LEKR1: variants seen among roughly 807,000 people sequenced by gnomAD.
LEKR1 encodes protein LEKR1.
A neutral mutation model predicts 72.4 loss-of-function variants in LEKR1; 59 were observed. That is an observed-to-expected ratio of 0.82 (90% CI 0.66 to 1.01). The LOEUF (loss-of-function observed/expected upper bound fraction) is 1.01, where lower values mean the gene tolerates loss of function less well. LEKR1 is among the 50% of genes least tolerant of loss of function. The pLI, the probability that LEKR1 is intolerant of heterozygous loss-of-function variation, is 0.00. For missense variants in LEKR1, 728 were observed against 759.2 expected, an observed-to-expected ratio of 0.96 and a Z score of 0.48; for synonymous variants, 257 against 263.2, an observed-to-expected ratio of 0.98 and a Z score of 0.23.
At chr3:156,899,523 CAT>C (rs1560064156) in intron 3 of LEKR1, among the ~76,000 whole-genome samples, 10 of 129,250 alleles carry the variant, frequency 7.7e-5, no homozygotes, top group South Asian at 5.3e-4. Flanking sequence ...TACATACATA[CAT>C]ATATACACAT....
At chr3:157,037,696 CA>C (rs1159343911) in intron 12 of LEKR1, among the ~76,000 whole-genome samples, 3 of 152,110 alleles carry the variant, frequency 2.0e-5, no homozygotes, top group Admixed American at 2.0e-4. Context: ...TTTATGCATT[CA>C]TTTAACAGGT....
chr3:157,020,979 T>C, intron 10 of LEKR1, among the ~76,000 whole-genome samples: 1 of 151,284 alleles, frequency 6.6e-6, no homozygotes, highest in Non-Finnish European at 1.5e-5. Flanking sequence ...TTCTAACTGG[T>C]GGGAGATGGT....
At chr3:156,925,250 A>C (rs1320006697) in intron 4 of LEKR1, 4 of 151,676 alleles carry the variant, frequency 2.6e-5, no homozygotes, top group South Asian at 4.2e-4. Flanking sequence ...TGATTTTTGT[A>C]TATGTATCAT....
intron 6 of LEKR1, among the ~76,000 whole-genome samples, chr3:156,949,990 G>T (rs1020165113): frequency 2.6e-5 from 4 of 151,132 alleles, no homozygotes; most frequent in African/African-American, 9.7e-5. Context: ...GGTAGAATTT[G>T]CTTAGAAAAC....
intron 2 of LEKR1, among the ~76,000 whole-genome samples, chr3:156,852,014 A>G (rs1386825757): frequency 6.6e-6 from 1 of 152,196 alleles, no homozygotes; most frequent in Non-Finnish European, 1.5e-5. Flanking sequence ...CTTTATCTGA[A>G]GGAAGGAAGA....
At chr3:157,027,282 C>G (rs1358032012) in intron 11 of LEKR1, among the ~76,000 whole-genome samples, 1 of 151,784 alleles carries the variant, frequency 6.6e-6, no homozygotes, top group Non-Finnish European at 1.5e-5. Flanking sequence ...CATAGAATAT[C>G]TCTAACACCA....
chr3:156,977,917 T>G (rs1729841771), intron 6 of LEKR1: 1 of 158,890 alleles, frequency 6.3e-6, no homozygotes, highest in Non-Finnish European at 1.4e-5. Context: ...TACATGTACA[T>G]TTTAATTTTG....
chr3:156,942,299 A>G (rs753891163), intron 5 of LEKR1, among the ~76,000 whole-genome samples: 9 of 152,110 alleles, frequency 5.9e-5, no homozygotes, highest in Non-Finnish European at 1.2e-4. Flanking sequence ...AAAAGCTAAA[A>G]AAAATACTGT....
intron 11 of LEKR1, among the ~76,000 whole-genome samples, chr3:157,026,273 A>T (rs895430631): frequency 6.6e-6 from 1 of 152,138 alleles, no homozygotes. Context: ...CTGCTGTTGC[A>T]GCCCTGGGTG....
intron 3 of LEKR1, among the ~76,000 whole-genome samples, chr3:156,891,869 A>G (rs529614393): frequency 6.6e-6 from 1 of 152,302 alleles, no homozygotes; most frequent in African/African-American, 2.4e-5. Context: ...GGCAGGGTTC[A>G]TTTTGAGGAA....
intron 6 of LEKR1, among the ~76,000 whole-genome samples, chr3:156,952,512 C>A (rs1286461893): frequency 6.6e-6 from 1 of 151,168 alleles, no homozygotes; most frequent in Non-Finnish European, 1.5e-5. Flanking sequence ...CAATAAAAAA[C>A]GAAACTACTA....
intron 2 of LEKR1, among the ~76,000 whole-genome samples, chr3:156,848,878 A>G (rs923844421): frequency 3.9e-5 from 6 of 152,170 alleles, no homozygotes; most frequent in Admixed American, 1.3e-4. Flanking sequence ...TAAGACATAT[A>G]TATCTATGTT....
At chr3:156,984,250 A>G (rs1730483516) in intron 7 of LEKR1, among the ~76,000 whole-genome samples, 1 of 152,186 alleles carries the variant, frequency 6.6e-6, no homozygotes, top group African/African-American at 2.4e-5. Flanking sequence ...GGAAATTCTT[A>G]TCTCACTCTA....
intron 4 of LEKR1, chr3:156,924,470 G>A (rs1275068819): frequency 1.6e-6 from 1 of 619,834 alleles, no homozygotes; most frequent in Non-Finnish European, 2.9e-6. Flanking sequence ...TATTTTTAAT[G>A]AAATATAATT....
At chr3:156,925,396 C>G (rs1464881533) in intron 4 of LEKR1, 2 of 149,182 alleles carry the variant, frequency 1.3e-5, no homozygotes, top group Non-Finnish European at 3.0e-5. Flanking sequence ...AGTCCTTTTA[C>G]CTCTACTCAT....
At chr3:156,985,336 A>G (rs574638182) in intron 7 of LEKR1, among the ~76,000 whole-genome samples, 1 of 152,290 alleles carries the variant, frequency 6.6e-6, no homozygotes, top group East Asian at 1.9e-4. Context: ...AGATATGAAT[A>G]ACAGAAAGGA....
chr3:156,939,232 A>G (rs1725988273), intron 5 of LEKR1, among the ~76,000 whole-genome samples: 1 of 152,196 alleles, frequency 6.6e-6, no homozygotes, highest in Non-Finnish European at 1.5e-5. Flanking sequence ...GACTGGTGTC[A>G]TAAGAAGAAG....
At chr3:157,011,320 G>C (rs755446661) in intron 9 of LEKR1, 93 bp from the exon 10 acceptor site, 8 of 813,888 alleles carry the variant, frequency 9.8e-6, no homozygotes, top group Non-Finnish European at 1.7e-5. Flanking sequence ...AACAGACTAA[G>C]TTTTGAAGTA....
intron 7 of LEKR1, among the ~76,000 whole-genome samples, chr3:156,986,782 A>G (rs1388813310): frequency 6.6e-6 from 1 of 152,330 alleles, no homozygotes; most frequent in East Asian, 1.9e-4. Context: ...CAAGATACAT[A>G]ATGTGTTACC....
Sources: allele counts gnomAD v4.1 joint callset (sites outside exome capture counted in the v4.1 genomes callset), GRCh38; gene constraint gnomAD v4.1.1; transcripts MANE v1.5; gene names NCBI Gene and HGNC (gene_info 2026-07-23, HGNC 2026-07-21).